DDX55: variants seen among roughly 807,000 people sequenced by gnomAD.
DDX55 encodes ATP-dependent RNA helicase DDX55.
Under a neutral mutation model 69.2 loss-of-function variants are expected in DDX55, and 56 were observed. That is an observed-to-expected ratio of 0.81 (90% CI 0.65 to 1.01). The LOEUF is 1.01. Ranked by LOEUF, DDX55 falls within the 50% of genes least tolerant of loss-of-function variation. The pLI is 0.00. For synonymous variants in DDX55, 268 were observed against 273.1 expected (o/e 0.98, Z 0.18); for missense variants, 720 against 745.1 (o/e 0.97, Z 0.39).
At chr12:123,618,638 A>G (rs1293633294) in intron 11 of DDX55, 31 bp from the exon 12 acceptor site, 2 of 1,598,208 alleles carry the variant, frequency 1.3e-6, no homozygotes, top group South Asian at 2.2e-5. Context: ...CAGCCAGGGA[A>G]GGTGAGAATG....
intron 3 of DDX55, among the ~76,000 whole-genome samples, chr12:123,607,198 A>T (rs1195408311): frequency 6.6e-6 from 1 of 152,256 alleles, no homozygotes; most frequent in Admixed American, 6.5e-5. Context: ...GCAGTGGTTC[A>T]GCATTGACTA....
In DDX55 at chr12:123,619,726, T is replaced by A; in HGVS notation, c.1626+2T>A. 1 of 1,550,484 alleles carries A rather than the reference T, an allele frequency of 6.4e-7. No individual in the cohort carries two copies. The highest frequency in any genetic ancestry group is 1.2e-5 in the South Asian group (1 of 82,420). ...AATGAGAAAAGGAAAAGGGAAGAGG[T>A]AAAGTTTACTTTTACTTACATTAAC... On this transcript the variant is annotated splice_donor_variant, in intron 13 of 13. Coordinates refer to ENST00000238146, the MANE Select transcript of DDX55 (RefSeq NM_020936.3). LOFTEE classifies it high-confidence loss of function.
At chr12:123,618,365 C>T (rs994528341) in intron 11 of DDX55, 2 of 687,142 alleles carry the variant, frequency 2.9e-6, no homozygotes, top group African/African-American at 1.8e-5. Flanking sequence ...GTGACCAAGT[C>T]TCCTGTGTGG....
At position 123,615,284 on chromosome 12, in the gene DDX55, T is replaced by G. The variant is rs1370666956; in HGVS notation, c.924T>G (p.Asn308Lys). 2.5e-6 allele frequency: 4 copies of G among 1,613,936 alleles called. No individual in the cohort carries two copies. The East Asian group carries it at 8.9e-5, about 36-fold the overall frequency. The change falls in exon 9 of 14, where the codon AAT becomes AAG. Residue 308 changes from asparagine (N) to lysine (K), a missense_variant. By Grantham distance (94) the Asn-to-Lys change is moderately conservative. Transcript: ENST00000238146. ...CIHGKMKYKR[N>K]KIFMEFRKLQ... is the part of the protein sequence containing the mutation. The stretch of plus-strand genomic sequence containing the variant: ...ACGGAAAGATGAAATATAAACGCAA[T>G]AAGATCTTCATGGAGTTCCGCAAAT...
In DDX55 at chr12:123,610,004, C is replaced by T. The variant is rs371753932; in HGVS notation, c.617C>T (p.Thr206Met). 36 of 1,614,040 alleles carry T rather than the reference C, an allele frequency of 2.2e-5. No individual in the cohort carries two copies. In the East Asian group the frequency reaches 2.5e-4, roughly 11 times the overall value. ...ACAGGCCTTTTCTCTGCCACTCAGACGCAGGAAGTGGAGAACCTGGTGAGA... is the reference window on the plus strand; with the variant it reads ...ACAGGCCTTTTCTCTGCCACTCAGATGCAGGAAGTGGAGAACCTGGTGAGA... Reference protein sequence around the residue: ...RRTGLFSATQTQEVENLVRAG... With the variant: ...RRTGLFSATQMQEVENLVRAG... Residue 206 changes from threonine (T) to methionine (M), a missense_variant, in exon 7 of 14, where the codon ACG (threonine) becomes ATG (methionine). Thr to Met is a moderately conservative substitution (Grantham distance 81). Transcript: ENST00000238146.
Position 123,607,590 on chromosome 12 carries a change from CTTG to C in DDX55, c.339-5_339-3del, listed in dbSNP as rs763184304. Reference sequence around the variant, plus strand: ...GTCGAACTTAATCAAAGGCTGTTTTCTTGTTGTAGCCAGATTCTTTGGATCGGA... The same window carrying C: ...GTCGAACTTAATCAAAGGCTGTTTTCTTGTAGCCAGATTCTTTGGATCGGA... On this transcript the variant is annotated splice_region_variant and splice_polypyrimidine_tract_variant and intron_variant, in intron 4 of 13. Coordinates refer to ENST00000238146, the MANE Select transcript of DDX55 (RefSeq NM_020936.3). 2.4e-5 allele frequency: 39 copies of C among 1,614,134 alleles called. No homozygotes were observed. In the East Asian group the frequency reaches 5.8e-4, roughly 24 times the overall value.
chr12:123,618,384 C>T, intron 11 of DDX55: 1 of 782,788 alleles, frequency 1.3e-6, no homozygotes, highest in Non-Finnish European at 2.1e-6. Flanking sequence ...GGTAGCATGC[C>T]CTGCTGGGAC....
chr12:123,616,858 A>G (rs1188756280), intron 10 of DDX55: 4 of 445,102 alleles, frequency 9.0e-6, no homozygotes, highest in South Asian at 4.6e-5. Flanking sequence ...ACAAAAAACA[A>G]CAACATTATT....
At position 123,613,154 on chromosome 12, in the gene DDX55, C is replaced by T. The variant is rs1472571758; in HGVS notation, c.742-16C>T. The T allele has an allele frequency of 6.2e-7, 1 of 1,613,104 alleles. No individual in the cohort carries two copies. The highest frequency in any genetic ancestry group is 8.5e-7 in the Non-Finnish European group (1 of 1,179,444). On this transcript the variant is annotated splice_polypyrimidine_tract_variant and intron_variant, in intron 7 of 13. Coordinates refer to ENST00000238146, the MANE Select transcript of DDX55 (RefSeq NM_020936.3). Reference sequence around the variant, plus strand: ...GCCAAATATGTTTTTTATTAGTTTCCCTTTTTATTTTGCAGGTATGCAAGG... The same window carrying T: ...GCCAAATATGTTTTTTATTAGTTTCTCTTTTTATTTTGCAGGTATGCAAGG...
At chr12:123,613,804 A>C (rs944324211) in intron 8 of DDX55, among the ~76,000 whole-genome samples, 1 of 152,166 alleles carries the variant, frequency 6.6e-6, no homozygotes, top group African/African-American at 2.4e-5. Context: ...AGTAGTGGCC[A>C]GTGAAGCAAG....
rs1300500481 is a variant in DDX55, at chr12:123,606,159, G to A, written c.246G>A (p.Gln82=). 1.4e-5 allele frequency: 23 copies of A among 1,613,890 alleles called. No homozygotes were observed. Among genetic ancestry groups the A allele is most frequent in the Non-Finnish European group, 1.9e-5 (23 of 1,180,006 alleles). The change falls in exon 3 of 14, where the codon CAG becomes CAA. Residue 82 remains glutamine (Q), a splice_region_variant and synonymous_variant. Coordinates refer to ENST00000238146, the MANE Select transcript of DDX55 (RefSeq NM_020936.3). ...GAGAAGAGAAGTTAAAAAAGAGTCAGGTGAGGACAACAAAAGTGATTTATT... is the reference window on the plus strand; with the variant it reads ...GAGAAGAGAAGTTAAAAAAGAGTCAAGTGAGGACAACAAAAGTGATTTATT... The part of the protein sequence containing the change: ...LRREEKLKKS[Q]VGAIIITPTR...
At chr12:123,615,102 C>T in intron 8 of DDX55, 83 bp from the exon 9 acceptor site, 1 of 1,577,484 alleles carries the variant, frequency 6.3e-7, no homozygotes. Context: ...GCGTCTGCTG[C>T]AGCTATTGCT....
chr12:123,617,793 T>C lies in DDX55; in HGVS notation c.1085T>C (p.Ile362Thr), dbSNP rs751158989. 1 of 1,613,608 alleles carries C rather than the reference T, an allele frequency of 6.2e-7. No homozygotes were observed. The highest frequency in any genetic ancestry group is 2.2e-5 in the East Asian group (1 of 44,874). ...FVHRCGRTAR[I>T]GHGGSALVFL... ...CATCGCTGCGGTCGCACAGCTCGCA[T>C]TGGCCACGGGGGCAGCGCTCTGGTG... is the stretch of plus-strand genomic sequence containing the variant. The change falls in exon 11 of 14, where the codon ATT becomes ACT. Residue 362 changes from isoleucine to threonine, a missense_variant. Coordinates refer to ENST00000238146, the MANE Select transcript of DDX55 (RefSeq NM_020936.3).
Position 123,615,269 on chromosome 12 carries a change from G to A in DDX55, c.909G>A (p.Met303Ile). The A allele has an allele frequency of 1.2e-6, 2 of 1,614,138 alleles. No homozygotes were observed. Among genetic ancestry groups the A allele is most frequent in the Non-Finnish European group, 1.7e-6 (2 of 1,180,010 alleles). ...GVKIMCIHGKMKYKRNKIFME... is the reference protein window; with the variant it reads ...GVKIMCIHGKIKYKRNKIFME... ...AGATTATGTGCATTCACGGAAAGAT[G>A]AAATATAAACGCAATAAGATCTTCA... is the stretch of plus-strand genomic sequence containing the variant. The change falls in exon 9 of 14, where the codon ATG becomes ATA. Residue 303 changes from methionine (M) to isoleucine (I), a missense_variant. By Grantham distance (10) the Met-to-Ile change is conservative (BLOSUM62 1). Transcript: ENST00000238146.
intron 9 of DDX55, 151 bp downstream of exon 9, chr12:123,615,467 C>G: frequency 8.6e-7 from 1 of 1,165,900 alleles, no homozygotes; most frequent in Non-Finnish European, 1.2e-6. Flanking sequence ...TATCACATCT[C>G]TGTAAACACC....
At chr12:123,608,896 G>A in intron 6 of DDX55, 67 bp downstream of exon 6, 6 of 1,391,440 alleles carry the variant, frequency 4.3e-6, no homozygotes, top group Non-Finnish European at 5.7e-6. Flanking sequence ...GGAGCAAAAT[G>A]GAGTTTACTG....
At position 123,609,925 on chromosome 12, in the gene DDX55, C is replaced by T. The variant is rs368220391; in HGVS notation, c.552-14C>T. 207 of 1,609,350 alleles carry T rather than the reference C, an allele frequency of 1.3e-4. No individual in the cohort carries two copies. Among genetic ancestry groups the T allele is most frequent in the Non-Finnish European group, 1.7e-4 (202 of 1,177,926 alleles). On this transcript the variant is annotated splice_polypyrimidine_tract_variant and intron_variant, in intron 6 of 13. Transcript: ENST00000238146. The stretch of plus-strand genomic sequence containing the variant: ...GGCAAGTGAGCGGTTAAGTGTGAGC[C>T]CTCTTTTTATCAGCATCAACACCAT...
chr12:123,602,212 G>A lies in DDX55; in HGVS notation c.64G>A (p.Gly22Ser). 6.4e-7 allele frequency: 1 copy of A among 1,572,930 alleles called. No individual in the cohort carries two copies. Among genetic ancestry groups the A allele is most frequent in the Non-Finnish European group, 8.6e-7 (1 of 1,161,352 alleles). ...TGTGCCGCTGCACCCGCAGGTGCTG[G>A]GCGCGCTGCGGGAGCTGGGCTTCCC... The part of the protein sequence containing the change: ...LPVPLHPQVL[G>S]ALRELGFPYM... The change falls in exon 1 of 14, where the codon GGC becomes AGC. Residue 22 changes from glycine (G) to serine (S), a missense_variant. Gly to Ser is a moderately conservative substitution (Grantham distance 56). Transcript: ENST00000238146.
intron 8 of DDX55, among the ~76,000 whole-genome samples, chr12:123,613,891 G>A (rs1954456803): frequency 6.6e-6 from 1 of 152,194 alleles, no homozygotes; most frequent in African/African-American, 2.4e-5. Context: ...TCAGAAGGCA[G>A]CGTAGGGACA....
Sources: gnomAD v4.1 joint callset for allele counts (sites outside exome capture counted in the v4.1 genomes callset) on GRCh38, gnomAD v4.1.1 for gene constraint, MANE v1.5 for transcripts, NCBI Gene and HGNC (gene_info 2026-07-23, HGNC 2026-07-21) for gene names.